UBE2W: variants seen among roughly 807,000 people sequenced by gnomAD.
UBE2W encodes the protein ubiquitin conjugating enzyme E2 W.
Under a neutral mutation model 27.2 loss-of-function variants are expected in UBE2W, and 18 were observed. The ratio of observed to expected loss-of-function variants is 0.66; its 90% confidence interval spans 0.46 to 0.98. The LOEUF (loss-of-function observed/expected upper bound fraction) is 0.98, where lower values mean the gene tolerates loss of function less well. Among genes scored for constraint, UBE2W ranks in the 50% least tolerant of loss-of-function variants. The pLI is 0.00. For synonymous variants in UBE2W, 53 were observed against 57.2 expected (o/e 0.93, Z 0.33); for missense variants, 90 against 180.2 (o/e 0.50, Z 2.87).
At chr8:73,800,156 T>C (rs1396318520) in intron 5 of UBE2W, among the ~76,000 whole-genome samples, 1 of 151,576 alleles carries the variant, frequency 6.6e-6, no homozygotes, top group Non-Finnish European at 1.5e-5. Context: ...CATTAGCTTT[T>C]TAAAAGTGAA....
downstream of UBE2W, among the ~76,000 whole-genome samples, chr8:73,785,470 A>AG (rs1807921741): frequency 6.6e-6 from 1 of 152,140 alleles, no homozygotes; most frequent in Admixed American, 6.5e-5. Flanking sequence ...AAATAAATTC[A>AG]GGGGGTACAC....
At chr8:73,850,475 G>A (rs2130947923) in intron 1 of UBE2W, among the ~76,000 whole-genome samples, 1 of 152,164 alleles carries the variant, frequency 6.6e-6, no homozygotes, top group Admixed American at 6.5e-5. Context: ...CTGATCAAAT[G>A]TGATAGTTTA....
intron 1 of UBE2W, among the ~76,000 whole-genome samples, chr8:73,861,652 C>T (rs7830428): frequency 1.1e-4 from 16 of 152,126 alleles, no homozygotes; most frequent in Middle Eastern, 3.4e-3. Flanking sequence ...TCAACTCCAA[C>T]GATTCATGAT....
At position 73,791,497 on chromosome 8, in the gene UBE2W, G is replaced by A. The variant is rs931713029; in HGVS notation, c.*2605C>T. ...ACGAGGAAATGCAGGGAGGAGGCAA[G>A]TAGCATATTCCTATATACATTTTCT... On this transcript the variant is annotated 3_prime_UTR_variant, in exon 6 of 6. Transcript: ENST00000602593. 2.0e-6 allele frequency: 2 copies of A among 985,130 alleles called. No individual in the cohort carries two copies. The highest frequency in any genetic ancestry group is 1.7e-5 in the African/African-American group (1 of 57,214). The allele number at this position is 985,130 out of a possible 1,614,324, so 61.0% of individuals were successfully genotyped here. A position where few individuals can be genotyped will look rare whatever the true frequency, so the allele number is the denominator to read the frequency against.
chr8:73,835,657 T>C (rs1810280666), intron 1 of UBE2W, among the ~76,000 whole-genome samples: 1 of 152,098 alleles, frequency 6.6e-6, no homozygotes, highest in Non-Finnish European at 1.5e-5. Flanking sequence ...GACAGGAGAA[T>C]TGCTTGTACC....
intron 1 of UBE2W, among the ~76,000 whole-genome samples, chr8:73,867,737 G>T (rs965332218): frequency 6.6e-6 from 1 of 151,000 alleles, no homozygotes; most frequent in East Asian, 1.9e-4. Flanking sequence ...AAAAATTATT[G>T]GGCAAAAAAT....
At position 73,790,785 on chromosome 8, in the gene UBE2W, A is replaced by AC. The variant is rs745776449; in HGVS notation, c.*3316dup. 1.0e-6 allele frequency: 1 copy of AC among 981,690 alleles called. No individual in the cohort carries two copies. 60.8% of individuals were successfully genotyped at this position (981,690 alleles called of 1,614,324 possible). A position where few individuals can be genotyped will look rare whatever the true frequency, so the allele number is the denominator to read the frequency against. On this transcript the variant is annotated 3_prime_UTR_variant, in exon 6 of 6. Transcript: ENST00000602593. ...GAAACAAGTAATATGTAGTTACATA[A>AC]CCATTTTCATATCACTACTCATTTC...
intron 1 of UBE2W, among the ~76,000 whole-genome samples, chr8:73,845,515 C>G (rs946946657): frequency 1.3e-5 from 2 of 152,036 alleles, no homozygotes; most frequent in South Asian, 2.1e-4. Flanking sequence ...GCAGCATACT[C>G]GTTAAGAGTC....
At chr8:73,839,478 C>T (rs1369587896) in intron 1 of UBE2W, among the ~76,000 whole-genome samples, 1 of 151,630 alleles carries the variant, frequency 6.6e-6, no homozygotes, top group Non-Finnish European at 1.5e-5. Context: ...ATGGTGAAAC[C>T]CCATCTCTAC....
intron 1 of UBE2W, among the ~76,000 whole-genome samples, chr8:73,835,084 C>T (rs1810252394): frequency 6.6e-6 from 1 of 152,098 alleles, no homozygotes; most frequent in African/African-American, 2.4e-5. Flanking sequence ...GATAATCCTT[C>T]TTAGTAGGAG....
In UBE2W at chr8:73,792,844, A is replaced by C. The variant is rs1396569190; in HGVS notation, c.*1258T>G. 2 of 985,520 alleles carry C rather than the reference A, an allele frequency of 2.0e-6. 1 individual carries two copies. The highest frequency in any genetic ancestry group is 2.4e-6 in the Non-Finnish European group (2 of 829,854). The allele number at this position is 985,520 out of a possible 1,614,324, so 61.0% of individuals were successfully genotyped here. ...AGCTGTAAGCAAAGTCTTTTCAACA[A>C]CAACAAAACAAAACCCTCCAGGAAA... On this transcript the variant is annotated 3_prime_UTR_variant, in exon 6 of 6. Transcript: ENST00000602593.
At chr8:73,855,933 T>TAA (rs1811280051) in intron 1 of UBE2W, among the ~76,000 whole-genome samples, 1 of 152,216 alleles carries the variant, frequency 6.6e-6, no homozygotes. Flanking sequence ...TGAGAGTCTT[T>TAA]TTACATATTG....
At chr8:73,821,278 C>A (rs1346642838) in intron 3 of UBE2W, among the ~76,000 whole-genome samples, 1 of 151,988 alleles carries the variant, frequency 6.6e-6, no homozygotes, top group Non-Finnish European at 1.5e-5. Context: ...CCTCCCCTAA[C>A]CACTTCATTA....
chr8:73,841,121 A>T (rs568683145), intron 1 of UBE2W, among the ~76,000 whole-genome samples: 26 of 152,364 alleles, frequency 1.7e-4, no homozygotes, highest in Non-Finnish European at 3.1e-4. Context: ...ATGGAAAGTT[A>T]AAAATAGGAG....
intron 3 of UBE2W, among the ~76,000 whole-genome samples, chr8:73,813,484 G>A (rs1270204545): frequency 6.6e-6 from 1 of 152,172 alleles, no homozygotes; most frequent in Non-Finnish European, 1.5e-5. Flanking sequence ...TAAAACAGCA[G>A]GGGCTTTTTA....
At position 73,793,373 on chromosome 8, in the gene UBE2W, G is replaced by C. The variant is rs1808282586; in HGVS notation, c.*729C>G. The C allele has an allele frequency of 2.0e-6, 2 of 985,748 alleles. No individual in the cohort carries two copies. Among genetic ancestry groups the C allele is most frequent in the Non-Finnish European group, 2.4e-6 (2 of 829,898 alleles). 61.1% of individuals were successfully genotyped at this position (985,748 alleles called of 1,614,324 possible). A position where few individuals can be genotyped will look rare whatever the true frequency, so the allele number is the denominator to read the frequency against. ...CTATATTACTCATACCTTTACTTCAGAGATTGAGGAACTATATACAACAAA... is the reference window on the plus strand; with the variant it reads ...CTATATTACTCATACCTTTACTTCACAGATTGAGGAACTATATACAACAAA... On this transcript the variant is annotated 3_prime_UTR_variant, in exon 6 of 6. Transcript: ENST00000602593.
In UBE2W at chr8:73,792,636, GCAA is replaced by G. The variant is rs1351185272; in HGVS notation, c.*1463_*1465del. 9.1e-6 allele frequency: 9 copies of G among 985,550 alleles called. No individual in the cohort carries two copies. Among genetic ancestry groups the G allele is most frequent in the Non-Finnish European group, 1.2e-6 (1 of 829,698 alleles). 61.1% of individuals were successfully genotyped at this position (985,550 alleles called of 1,614,324 possible). On this transcript the variant is annotated 3_prime_UTR_variant, in exon 6 of 6. Transcript: ENST00000602593. ...CACTGCAGGATATTTCAAAAAGAGT[GCAA>G]CAATAAGGCATTAGTAAAAATAACA...
chr8:73,819,514 C>A (rs1371544439), intron 3 of UBE2W, among the ~76,000 whole-genome samples: 1 of 152,206 alleles, frequency 6.6e-6, no homozygotes, highest in African/African-American at 2.4e-5. Context: ...GTATTTGATA[C>A]ATAATTCATG....
chr8:73,811,040 G>A (rs1809130275), intron 3 of UBE2W, among the ~76,000 whole-genome samples: 1 of 152,140 alleles, frequency 6.6e-6, no homozygotes, highest in Admixed American at 6.6e-5. Context: ...ATGAATGACA[G>A]GTGGTAGGAA....
Sources: gnomAD v4.1 joint callset for allele counts (sites outside exome capture counted in the v4.1 genomes callset) on GRCh38, gnomAD v4.1.1 for gene constraint, MANE v1.5 for transcripts, NCBI Gene and HGNC (gene_info 2026-07-23, HGNC 2026-07-21) for gene names.